ABCB5: variants seen among roughly 807,000 people sequenced by gnomAD.
The protein encoded by ABCB5 is ATP-binding cassette sub-family B member 5.
ABCB5 carries 155 observed loss-of-function variants against 144.2 expected under a neutral mutation model. The ratio of observed to expected loss-of-function variants is 1.08; its 90% confidence interval spans 0.94 to 1.23. The LOEUF is 1.23. ABCB5 is among the 50% of genes most tolerant of loss of function. ABCB5 has a pLI of 0.00. For synonymous variants in ABCB5, 610 were observed against 528.6 expected, an observed-to-expected ratio of 1.15 and a Z score of -2.11; for missense variants, 1,830 against 1,520.8, an observed-to-expected ratio of 1.20 and a Z score of -3.38.
chr7:20,751,542 C>A (rs1225945949), intron 26 of ABCB5, among the ~76,000 whole-genome samples: 1 of 152,110 alleles, frequency 6.6e-6, no homozygotes, highest in Admixed American at 6.5e-5. Flanking sequence ...AACTTACACT[C>A]TCCTACAATC....
At chr7:20,644,112 G>T (rs1325727170) in intron 7 of ABCB5, among the ~76,000 whole-genome samples, 2 of 150,982 alleles carry the variant, frequency 1.3e-5, no homozygotes, top group African/African-American at 4.9e-5. Context: ...TTGAGGCAAG[G>T]TCTCACTGTG....
rs576028513 is a variant in ABCB5, at chr7:20,741,434, T to C, written c.3025-1443T>C. Among the ~76,000 whole-genome samples, 8 of 152,076 alleles carry C rather than the reference T, an allele frequency of 5.3e-5. No individual in the cohort carries two copies. In the South Asian group the frequency reaches 1.5e-3, roughly 28 times the overall value. On this transcript the variant is annotated intron_variant, in intron 24 of 27. Transcript: ENST00000404938. ...AGAGAGGGAAGTACACCAAAAAAAATTTAAAAAATAAAACAAAAAGAAATT... is the reference window on the plus strand; with the variant it reads ...AGAGAGGGAAGTACACCAAAAAAAACTTAAAAAATAAAACAAAAAGAAATT...
rs185735000 is a variant in ABCB5, at chr7:20,651,443, C to G, written c.1356C>G (p.Ile452Met). ...DGFIMVDEND[I>M]RALNVRHYRD... is the part of the protein sequence containing the mutation. Reference sequence around the variant, plus strand: ...AGATCATGGTGGATGAGAATGACATCAGAGCTTTAAATGTGCGGCATTATC... The same window carrying G: ...AGATCATGGTGGATGAGAATGACATGAGAGCTTTAAATGTGCGGCATTATC... Residue 452 changes from isoleucine to methionine, a missense_variant, in exon 13 of 28, where the codon ATC (isoleucine) becomes ATG (methionine). By Grantham distance (10) the Ile-to-Met change is conservative (BLOSUM62 1). Coordinates refer to ENST00000404938, the MANE Select transcript of ABCB5 (RefSeq NM_001163941.2). 138 of 1,613,968 alleles carry G rather than the reference C, an allele frequency of 8.6e-5. No individual in the cohort carries two copies. The Admixed American group carries it at 2.3e-3, about 27-fold the overall frequency.
At chr7:20,745,631 C>T (rs189954931) in intron 26 of ABCB5, among the ~76,000 whole-genome samples, 193 bp downstream of exon 26, 124 of 152,322 alleles carry the variant, frequency 8.1e-4, no homozygotes, top group African/African-American at 2.3e-3. Flanking sequence ...GATTTTCCTA[C>T]GACCAAAATG....
chr7:20,665,105 G>A (rs1191752526), intron 14 of ABCB5, among the ~76,000 whole-genome samples: 9 of 152,186 alleles, frequency 5.9e-5, no homozygotes, highest in South Asian at 4.2e-4. Flanking sequence ...ATTATTTCAC[G>A]TTCCTAATTA....
In ABCB5 at chr7:20,685,717, C is replaced by G; in HGVS notation, c.1891C>G (p.Gln631Glu). 1 of 1,610,070 alleles carries G rather than the reference C, an allele frequency of 6.2e-7. No individual in the cohort carries two copies. The highest frequency in any genetic ancestry group is 8.5e-7 in the Non-Finnish European group (1 of 1,177,912). ...TAAGGATATTAAAAAAGCTGATGAA[C>G]AGATGGAGTCAATGACATATTCTAC... ...MSQDIKKADE[Q>E]MESMTYSTER... The change falls in exon 16 of 28, where the codon CAG becomes GAG. Residue 631 changes from glutamine to glutamate, a missense_variant. Transcript: ENST00000404938.
At position 20,698,329 on chromosome 7, in the gene ABCB5, T is replaced by C. The variant is rs1786493766; in HGVS notation, c.2011-78T>C. On this transcript the variant is annotated intron_variant, in intron 16 of 27. Coordinates refer to ENST00000404938, the MANE Select transcript of ABCB5 (RefSeq NM_001163941.2). The stretch of plus-strand genomic sequence containing the variant: ...TGTTTGATGTTATACATTATAATTC[T>C]GTTTATGATGGGCTAACTTCACTAG... 6.3e-6 allele frequency: 8 copies of C among 1,274,734 alleles called. No homozygotes were observed. In the African/African-American group the frequency reaches 7.5e-5, roughly 12 times the overall value. 79.0% of individuals were successfully genotyped at this position (1,274,734 alleles called of 1,614,324 possible). A position where few individuals can be genotyped will look rare whatever the true frequency, so the allele number is the denominator to read the frequency against.
At chr7:20,745,802 G>A (rs1782701389) in intron 26 of ABCB5, among the ~76,000 whole-genome samples, 1 of 152,142 alleles carries the variant, frequency 6.6e-6, no homozygotes, top group African/African-American at 2.4e-5. Flanking sequence ...AGTAATCAGA[G>A]GGATCTTTTA....
At chr7:20,683,446 A>C (rs1169895864) in intron 15 of ABCB5, among the ~76,000 whole-genome samples, 1 of 152,192 alleles carries the variant, frequency 6.6e-6, no homozygotes, top group Non-Finnish European at 1.5e-5. Context: ...GGTCGAATTA[A>C]GCCTATTTTA....
intron 26 of ABCB5, among the ~76,000 whole-genome samples, chr7:20,749,034 T>TCCTTTCTTTGTCTCTC (rs1242184367): frequency 5.9e-5 from 9 of 151,954 alleles, no homozygotes; most frequent in South Asian, 2.1e-4. Flanking sequence ...CTGTCTTCCT[T>TCCTTTCTTTGTCTCTC]CCTTTCTTTG....
At chr7:20,694,320 C>CATT (rs1786334775) in intron 16 of ABCB5, among the ~76,000 whole-genome samples, 1 of 152,004 alleles carries the variant, frequency 6.6e-6, no homozygotes, top group South Asian at 2.1e-4. Context: ...GTTGGTTTAA[C>CATT]ATTCAGAAAT....
At chr7:20,623,473 C>T (rs75494098) in intron 2 of ABCB5, 135 bp downstream of exon 2, 51,779 of 707,316 alleles carry the variant, frequency 0.073, 2,421 homozygotes, top group South Asian at 0.15. Flanking sequence ...TGAACTTGAA[C>T]ATAAGCAGTC....
chr7:20,689,008 C>A (rs1182314354), intron 16 of ABCB5, among the ~76,000 whole-genome samples: 1 of 151,926 alleles, frequency 6.6e-6, no homozygotes, highest in Non-Finnish European at 1.5e-5. Flanking sequence ...AGGAGATATA[C>A]CTAAGGTAAA....
chr7:20,749,395 A>ATTTTTTTTTT (rs34687757), intron 26 of ABCB5, among the ~76,000 whole-genome samples: 1 of 81,940 alleles, frequency 1.2e-5, no homozygotes, highest in African/African-American at 5.7e-5. Flanking sequence ...TGCCTGCCTA[A>ATTTTTTTTTT]TTTTTTTTTT....
At chr7:20,731,365 A>ATATAT (rs1201095218) in intron 23 of ABCB5, among the ~76,000 whole-genome samples, 7 of 87,908 alleles carry the variant, frequency 8.0e-5, no homozygotes, top group African/African-American at 2.9e-4. Flanking sequence ...GAAAAAAAAA[A>ATATAT]AAAAATATAT....
intron 20 of ABCB5, among the ~76,000 whole-genome samples, chr7:20,706,505 T>C (rs112158938): frequency 0.011 from 1,626 of 152,298 alleles, 27 homozygotes; most frequent in African/African-American, 0.037. Context: ...CTGAGGGAAA[T>C]TACGGGGAAT....
intron 13 of ABCB5, 94 bp downstream of exon 13, chr7:20,651,717 G>T (rs1784601676): frequency 1.0e-5 from 13 of 1,295,892 alleles, no homozygotes; most frequent in East Asian, 2.3e-5. Flanking sequence ...ATGCAGAATA[G>T]TAGGGGTGTG....
chr7:20,650,011 C>A lies in ABCB5; in HGVS notation c.1207-11C>A, dbSNP rs983361915. The stretch of plus-strand genomic sequence containing the variant: ...GTGGTTTTATGATTTTCCCTCCATA[C>A]ATTCCAATAGATTCTGAAAGGTCTG... On this transcript the variant is annotated splice_polypyrimidine_tract_variant and intron_variant, in intron 11 of 27. Coordinates refer to ENST00000404938, the MANE Select transcript of ABCB5 (RefSeq NM_001163941.2). The A allele has an allele frequency of 6.2e-7, 1 of 1,607,274 alleles. No homozygotes were observed. The highest frequency in any genetic ancestry group is 8.5e-7 in the Non-Finnish European group (1 of 1,176,430).
intron 16 of ABCB5, among the ~76,000 whole-genome samples, chr7:20,695,320 AT>A (rs1358339574): frequency 1.1e-4 from 17 of 150,364 alleles, no homozygotes; most frequent in Middle Eastern, 3.4e-3. Flanking sequence ...TCAATTAACA[AT>A]TTTTTTTTTC....
Sources: allele counts gnomAD v4.1 joint callset (sites outside exome capture counted in the v4.1 genomes callset), GRCh38; gene constraint gnomAD v4.1.1; transcripts MANE v1.5; gene names NCBI Gene and HGNC (gene_info 2026-07-23, HGNC 2026-07-21).